Variants in TLK2 observed in about 807,000 individuals in gnomAD.
TLK2 encodes the protein tousled like kinase 2.
A neutral mutation model predicts 117.3 loss-of-function variants in TLK2; 6 were observed. The ratio of observed to expected loss-of-function variants is 0.05; its 90% CI spans 0.03 to 0.10. TLK2 has a LOEUF of 0.10. Among genes scored for constraint, TLK2 ranks in the 10% least tolerant of loss-of-function variants. The pLI, the probability that TLK2 is intolerant of heterozygous loss-of-function variation, is 1.00. For synonymous variants in TLK2, 257 were observed against 316.7 expected, an observed-to-expected ratio of 0.81 and a Z score of 2.00; for missense variants, 299 against 901.2, an observed-to-expected ratio of 0.33 and a Z score of 8.56.
intron 2 of TLK2, among the ~76,000 whole-genome samples, chr17:62,489,300 A>G (rs1264154189): frequency 6.6e-6 from 1 of 151,518 alleles, no homozygotes; most frequent in East Asian, 1.9e-4. Context: ...TTCTGGGCTC[A>G]AGTGATTCTT....
chr17:62,489,219 G>C (rs1386238036), intron 2 of TLK2, among the ~76,000 whole-genome samples: 1 of 120,740 alleles, frequency 8.3e-6, no homozygotes, highest in Non-Finnish European at 1.7e-5. Context: ...TTTTTTTTTT[G>C]AGACATGGTC....
chr17:62,535,269 C>G (rs565559211), intron 6 of TLK2, among the ~76,000 whole-genome samples: 1 of 152,210 alleles, frequency 6.6e-6, no homozygotes, highest in Non-Finnish European at 1.5e-5. Flanking sequence ...TTATCCCTCC[C>G]TAAAGTTAAT....
At chr17:62,606,263 G>C (rs774364829) in intron 20 of TLK2, 22 bp downstream of exon 20, 2 of 1,498,516 alleles carry the variant, frequency 1.3e-6, no homozygotes, top group Admixed American at 1.7e-5. Flanking sequence ...GGTTGATGGA[G>C]AAGCTTGATC....
intron 11 of TLK2, among the ~76,000 whole-genome samples, chr17:62,566,845 C>A (rs768253891): frequency 9.9e-5 from 15 of 152,130 alleles, no homozygotes; most frequent in Non-Finnish European, 1.8e-4. Context: ...TCTGAGCAGC[C>A]CTGTCAATGG....
chr17:62,506,841 G>GTTGCAT (rs2074733860), intron 2 of TLK2, among the ~76,000 whole-genome samples: 1 of 152,180 alleles, frequency 6.6e-6, no homozygotes, highest in African/African-American at 2.4e-5. Flanking sequence ...ATGTGTAGTA[G>GTTGCAT]TTGCATATGG....
chr17:62,537,105 A>G (rs2077169193), intron 7 of TLK2, among the ~76,000 whole-genome samples: 1 of 152,010 alleles, frequency 6.6e-6, no homozygotes, highest in South Asian at 2.1e-4. Flanking sequence ...CTAAGTCACC[A>G]CTCATCCAGA....
In TLK2 at chr17:62,502,028, A is replaced by ATTTTTTTT. The variant is rs746988825; in HGVS notation, c.82-18745_82-18744insTTTTTTTT. Among the ~76,000 whole-genome samples the ATTTTTTTT allele has an allele frequency of 5.9e-4, 79 of 134,262 alleles. 6 individuals carry two copies. The highest frequency in any genetic ancestry group is 7.7e-4 in the Admixed American group (10 of 13,054). The allele number at this position is 134,262 out of a possible 152,430, so 88.1% of individuals were successfully genotyped here. ...ATCAAACATTTAAGGAAAAAATACC[A>ATTTTTTTT]ATTTTTTTTTTTTTTTTTACAAATT... On this transcript the variant is annotated intron_variant, in intron 2 of 21. Transcript: ENST00000346027.
At chr17:62,491,285 A>G (rs2543450) in intron 2 of TLK2, among the ~76,000 whole-genome samples, 3 of 151,030 alleles carry the variant, frequency 2.0e-5, no homozygotes, top group African/African-American at 7.3e-5. Context: ...TTTATTTCCT[A>G]TTCTCTGTTT....
intron 2 of TLK2, among the ~76,000 whole-genome samples, chr17:62,493,748 A>T (rs370287769): frequency 1.3e-5 from 2 of 152,178 alleles, no homozygotes; most frequent in Admixed American, 6.6e-5. Context: ...TAACTTGGCA[A>T]GTTACATAGG....
intron 9 of TLK2, among the ~76,000 whole-genome samples, chr17:62,555,502 A>C (rs2146262231): frequency 1.4e-5 from 2 of 140,736 alleles, no homozygotes; most frequent in Middle Eastern, 7.4e-3. Flanking sequence ...TTTTTTTTTG[A>C]GACAGAGTCT....
chr17:62,553,179 C>T (rs1309163357), intron 8 of TLK2, among the ~76,000 whole-genome samples: 1 of 152,002 alleles, frequency 6.6e-6, no homozygotes, highest in Non-Finnish European at 1.5e-5. Flanking sequence ...TATACAACTC[C>T]CTGGAGCACA....
intron 2 of TLK2, among the ~76,000 whole-genome samples, chr17:62,488,820 A>ATTT (rs36026309): frequency 8.3e-4 from 83 of 99,758 alleles, no homozygotes; most frequent in African/African-American, 1.1e-3. Flanking sequence ...GGCCTTGAAG[A>ATTT]TTTTTTTTTT....
chr17:62,548,847 C>T (rs1304541925), intron 7 of TLK2, among the ~76,000 whole-genome samples: 1 of 151,626 alleles, frequency 6.6e-6, no homozygotes, highest in South Asian at 2.1e-4. Context: ...AGCAGTTCTC[C>T]TGCCTCAGCC....
rs1401254518 is a variant in TLK2, at chr17:62,613,011, TCTC to T, written c.*449_*451del. 2 of 152,762 alleles carry T rather than the reference TCTC, an allele frequency of 1.3e-5. No homozygotes were observed. The highest frequency in any genetic ancestry group is 1.5e-5 in the Non-Finnish European group (1 of 68,150). 9.5% of individuals were successfully genotyped at this position (152,762 alleles called of 1,614,324 possible). ...TTCTTTTAATAAAGTTTAGGTAACA[TCTC>T]CTGAAAAGCTTGTAGCACAAAGGCT... is the stretch of plus-strand genomic sequence containing the variant. On this transcript the variant is annotated 3_prime_UTR_variant, in exon 22 of 22. Transcript: ENST00000346027.
intron 5 of TLK2, among the ~76,000 whole-genome samples, chr17:62,523,963 C>G (rs1212596620): frequency 6.6e-6 from 1 of 152,152 alleles, no homozygotes. Flanking sequence ...GGAAAACATT[C>G]TTCTCTCATG....
At chr17:62,543,249 T>C (rs2077665025) in intron 7 of TLK2, among the ~76,000 whole-genome samples, 1 of 152,380 alleles carries the variant, frequency 6.6e-6, no homozygotes. Context: ...TTTATCCTTT[T>C]ACCAGTCGAT....
chr17:62,495,528 C>A (rs2073560925), intron 2 of TLK2, among the ~76,000 whole-genome samples: 1 of 150,384 alleles, frequency 6.6e-6, no homozygotes, highest in South Asian at 2.1e-4. Context: ...GATCCTCCCA[C>A]CTCAGCTTCC....
intron 2 of TLK2, among the ~76,000 whole-genome samples, chr17:62,499,178 T>C (rs1279400681): frequency 6.6e-6 from 1 of 151,858 alleles, no homozygotes; most frequent in African/African-American, 2.4e-5. Context: ...CTGTCTCTAC[T>C]AAAAACATGA....
intron 12 of TLK2, among the ~76,000 whole-genome samples, chr17:62,574,772 T>C (rs1444423714): frequency 6.6e-6 from 1 of 152,162 alleles, no homozygotes; most frequent in African/African-American, 2.4e-5. Context: ...CTCCTCGGCC[T>C]CCCAAAGTGC....
Sources: allele counts gnomAD v4.1 joint callset (sites outside exome capture counted in the v4.1 genomes callset), GRCh38; gene constraint gnomAD v4.1.1; transcripts MANE v1.5; gene names NCBI Gene and HGNC (gene_info 2026-07-23, HGNC 2026-07-21).